The following DMRT1 variants were observed in gnomAD, a reference collection of about 807,000 sequenced individuals.
DMRT1 encodes the protein doublesex and mab-3 related transcription factor 1, also known as doublesex- and mab-3-related transcription factor 1.
A neutral mutation model predicts 32.3 loss-of-function variants in DMRT1; 7 were observed. The ratio of observed to expected loss-of-function variants is 0.22; its 90% confidence interval spans 0.12 to 0.41. The LOEUF (loss-of-function observed/expected upper bound fraction) is 0.41, where lower values mean the gene tolerates loss of function less well. Among genes scored for constraint, DMRT1 ranks in the 10% least tolerant of loss-of-function variants. The probability of loss-of-function intolerance (pLI) is 1.00; values close to 1 mark genes in which losing one functional copy is unlikely to be tolerated. For synonymous variants in DMRT1, 278 were observed against 206.1 expected, an observed-to-expected ratio of 1.35 and a Z score of -2.99; for missense variants, 625 against 500.5, an observed-to-expected ratio of 1.25 and a Z score of -2.37.
chr9:933,003 C>T (rs906583642), intron 4 of DMRT1, among the ~76,000 whole-genome samples: 2 of 151,976 alleles, frequency 1.3e-5, no homozygotes, highest in African/African-American at 4.8e-5. Context: ...ACCTCCGTCT[C>T]CCGGGTTCAA....
At chr9:915,746 T>TATATA in intron 3 of DMRT1, among the ~76,000 whole-genome samples, 5 of 151,824 alleles carry the variant, frequency 3.3e-5, no homozygotes, top group African/African-American at 9.7e-5. Context: ...TATATATATA[T>TATATA]TTTTTAGACA....
chr9:941,557 G>A (rs368208888), intron 4 of DMRT1, among the ~76,000 whole-genome samples: 9 of 152,158 alleles, frequency 5.9e-5, no homozygotes, highest in South Asian at 2.1e-4. Context: ...GAGAGTTATC[G>A]TTTTTTTGGG....
intron 3 of DMRT1, among the ~76,000 whole-genome samples, chr9:897,063 T>C (rs1817395740): frequency 6.7e-6 from 1 of 150,262 alleles, no homozygotes; most frequent in African/African-American, 2.5e-5. Flanking sequence ...TTTTCTTAAG[T>C]TCTTCATACG....
intron 4 of DMRT1, among the ~76,000 whole-genome samples, chr9:967,095 C>G (rs894738468): frequency 6.6e-6 from 1 of 152,176 alleles, no homozygotes; most frequent in African/African-American, 2.4e-5. Context: ...TGAAACCAAT[C>G]AGGAAGTTAA....
At chr9:892,825 C>A (rs1035794057) in intron 2 of DMRT1, among the ~76,000 whole-genome samples, 1 of 152,186 alleles carries the variant, frequency 6.6e-6, no homozygotes, top group Non-Finnish European at 1.5e-5. Flanking sequence ...TCCCTTTTCT[C>A]ATCCAGTTCC....
At chr9:952,230 G>A (rs150646445) in intron 4 of DMRT1, among the ~76,000 whole-genome samples, 2 of 152,290 alleles carry the variant, frequency 1.3e-5, no homozygotes, top group East Asian at 1.9e-4. Context: ...CTCAGTAAAT[G>A]TTCTGTGAAT....
intron 2 of DMRT1, among the ~76,000 whole-genome samples, chr9:849,036 T>C (rs912165): frequency 0.7 from 103,028 of 148,058 alleles, 36,756 homozygotes; most frequent in Non-Finnish European, 0.77. Flanking sequence ...GAGGGCAAGT[T>C]CCAGTGCCAG....
At chr9:950,250 A>G (rs1192487645) in intron 4 of DMRT1, among the ~76,000 whole-genome samples, 1 of 152,130 alleles carries the variant, frequency 6.6e-6, no homozygotes, top group Non-Finnish European at 1.5e-5. Context: ...TTGCAGCAAA[A>G]TCATGATTAT....
intron 3 of DMRT1, among the ~76,000 whole-genome samples, chr9:897,822 A>C (rs1336962060): frequency 6.6e-6 from 1 of 152,174 alleles, no homozygotes; most frequent in African/African-American, 2.4e-5. Context: ...ATAGGGTATA[A>C]AAATACATAT....
intron 3 of DMRT1, chr9:894,426 C>T: frequency 1.7e-6 from 1 of 585,488 alleles, no homozygotes; most frequent in Non-Finnish European, 3.1e-6. Flanking sequence ...CCTTTAGCCT[C>T]AAAGGTTGGC....
chr9:924,340 G>A (rs927040464), intron 4 of DMRT1, among the ~76,000 whole-genome samples: 2 of 152,120 alleles, frequency 1.3e-5, no homozygotes, highest in Admixed American at 6.6e-5. Context: ...CCACAGTGCT[G>A]GGATTACAGA....
chr9:921,350 A>G (rs1419372776), intron 4 of DMRT1, among the ~76,000 whole-genome samples: 1 of 152,182 alleles, frequency 6.6e-6, no homozygotes, highest in East Asian at 1.9e-4. Flanking sequence ...ATATCATTCC[A>G]TAGTATGGAT....
At chr9:901,580 G>A (rs1005735767) in intron 3 of DMRT1, among the ~76,000 whole-genome samples, 19 of 152,126 alleles carry the variant, frequency 1.2e-4, no homozygotes, top group Non-Finnish European at 2.5e-4. Context: ...GCCTGCCTTG[G>A]CCTCCCAAAG....
intron 4 of DMRT1, among the ~76,000 whole-genome samples, chr9:928,460 A>G (rs980085395): frequency 1.3e-5 from 2 of 152,310 alleles, no homozygotes; most frequent in African/African-American, 4.8e-5. Flanking sequence ...CTTCCCAGCC[A>G]TACTCTCTGC....
chr9:871,492 C>G, intron 2 of DMRT1, among the ~76,000 whole-genome samples: 1 of 144,064 alleles, frequency 6.9e-6, no homozygotes, highest in African/African-American at 2.6e-5. Context: ...GCCACCACGC[C>G]CGGCTAATTT....
At chr9:878,177 T>G (rs1423814889) in intron 2 of DMRT1, among the ~76,000 whole-genome samples, 3 of 150,484 alleles carry the variant, frequency 2.0e-5, no homozygotes, top group Non-Finnish European at 4.4e-5. Flanking sequence ...AGCTAAAAGT[T>G]CAGCCCTGGA....
At chr9:963,992 A>G (rs1819855357) in intron 4 of DMRT1, among the ~76,000 whole-genome samples, 1 of 152,232 alleles carries the variant, frequency 6.6e-6, no homozygotes, top group Admixed American at 6.5e-5. Flanking sequence ...TGCCACTTGT[A>G]TTTTATTTTA....
intron 2 of DMRT1, among the ~76,000 whole-genome samples, chr9:883,555 G>C (rs1171361288): frequency 2.6e-5 from 4 of 151,748 alleles, no homozygotes; most frequent in Admixed American, 2.6e-4. Flanking sequence ...ACTTTGGGAG[G>C]CTGAGGTGGG....
At chr9:888,624 A>G (rs995396742) in intron 2 of DMRT1, among the ~76,000 whole-genome samples, 23 of 151,986 alleles carry the variant, frequency 1.5e-4, no homozygotes, top group African/African-American at 2.4e-5. Context: ...CTTTTATTTA[A>G]TAGTCAGGAC....
Sources: gnomAD v4.1 joint callset for allele counts (sites outside exome capture counted in the v4.1 genomes callset) on GRCh38, gnomAD v4.1.1 for gene constraint, MANE v1.5 for transcripts, NCBI Gene and HGNC (gene_info 2026-07-23, HGNC 2026-07-21) for gene names.